Variants in BID observed in about 807,000 individuals in gnomAD.
BID encodes the protein BH3-interacting domain death agonist.
Under a neutral mutation model 17.4 loss-of-function variants are expected in BID, and 19 were observed. The observed-to-expected ratio is 1.09, with a 90% CI of 0.76 to 1.60. BID has a LOEUF of 1.60. BID is among the 40% of genes most tolerant of loss of function. The pLI is 0.00. For missense variants in BID, 226 were observed against 256.0 expected, an observed-to-expected ratio of 0.88 and a Z score of 0.80; for synonymous variants, 108 against 102.8, an observed-to-expected ratio of 1.05 and a Z score of -0.31.
chr22:17,750,011 C>T, intron 2 of BID, 94 bp downstream of exon 2: 2 of 1,293,528 alleles, frequency 1.5e-6, no homozygotes, highest in East Asian at 2.5e-5. Context: ...CGGGCTCAGC[C>T]TCAGCCCTCA....
At chr22:17,759,896 A>C (rs2061623709) in intron 1 of BID, among the ~76,000 whole-genome samples, 1 of 151,992 alleles carries the variant, frequency 6.6e-6, no homozygotes, top group Admixed American at 6.6e-5. Flanking sequence ...TAATCCCAGC[A>C]CTTTGGGAGG....
chr22:17,754,569 G>A (rs1429487004), intron 1 of BID, among the ~76,000 whole-genome samples: 1 of 152,252 alleles, frequency 6.6e-6, no homozygotes, highest in Non-Finnish European at 1.5e-5. Flanking sequence ...AAAACACCAT[G>A]CAGTTGGTCA....
At chr22:17,750,728 T>C (rs1161747271) in intron 1 of BID, among the ~76,000 whole-genome samples, 1 of 151,722 alleles carries the variant, frequency 6.6e-6, no homozygotes, top group African/African-American at 2.4e-5. Flanking sequence ...CTCGGGAGGC[T>C]GAGGCAGGAG....
At chr22:17,743,167 G>A (rs1449106473) in intron 3 of BID, among the ~76,000 whole-genome samples, 4 of 152,268 alleles carry the variant, frequency 2.6e-5, no homozygotes, top group Non-Finnish European at 4.4e-5. Flanking sequence ...TCTTGTATAG[G>A]TAATCACGGA....
chr22:17,772,428 C>A lies in BID; in HGVS notation c.-59+1953G>T, dbSNP rs150099580. ...CTGGAGAATGGTGACCAGATGTCAA[C>A]GACAGGAAGCATTTCCAGAGGCCAC... On this transcript the variant is annotated intron_variant, in intron 1 of 5. Transcript: ENST00000622694. 6.0e-3 allele frequency among the ~76,000 whole-genome samples: 918 copies of A among 152,312 alleles called. 10 individuals are homozygous for A. The highest frequency in any genetic ancestry group is 0.021 in the African/African-American group (856 of 41,554).
chr22:17,762,302 G>T (rs2061644913), intron 1 of BID, among the ~76,000 whole-genome samples: 1 of 152,150 alleles, frequency 6.6e-6, no homozygotes, highest in Non-Finnish European at 1.5e-5. Flanking sequence ...TTTGAGACCA[G>T]CCTGACCAAT....
intron 2 of BID, 22 bp downstream of exon 2, chr22:17,750,077 GGCACCC>G: frequency 6.2e-7 from 1 of 1,609,344 alleles, no homozygotes; most frequent in Non-Finnish European, 8.5e-7. Context: ...CCCCCCACAA[GGCACCC>G]GCAGGGGATC....
At chr22:17,760,041 G>C (rs1026338587) in intron 1 of BID, among the ~76,000 whole-genome samples, 16 of 151,384 alleles carry the variant, frequency 1.1e-4, no homozygotes, top group Non-Finnish European at 2.1e-4. Flanking sequence ...GGCTGAGGCA[G>C]GAGAATGGCG....
At chr22:17,760,445 C>G (rs1287092339) in intron 1 of BID, among the ~76,000 whole-genome samples, 3 of 109,512 alleles carry the variant, frequency 2.7e-5, no homozygotes, top group Non-Finnish European at 5.1e-5. Flanking sequence ...GAGCAAGACT[C>G]TGTCTCAAAA....
chr22:17,762,541 CA>C (rs2061646794), intron 1 of BID, among the ~76,000 whole-genome samples: 1 of 151,742 alleles, frequency 6.6e-6, no homozygotes, highest in Admixed American at 6.6e-5. Flanking sequence ...TCACAAATTT[CA>C]AATGAATGAA....
intron 1 of BID, among the ~76,000 whole-genome samples, chr22:17,752,294 G>C (rs573066741): frequency 6.6e-6 from 1 of 152,154 alleles, no homozygotes; most frequent in Non-Finnish European, 1.5e-5. Flanking sequence ...ATTTATGGGG[G>C]GTGTGCTCCT....
In BID at chr22:17,744,129, G is replaced by A. The variant is rs577608009; in HGVS notation, c.13-116C>T. 27 of 940,076 alleles carry A rather than the reference G, an allele frequency of 2.9e-5. No individual in the cohort carries two copies. The East Asian group carries it at 5.9e-4, about 20-fold the overall frequency. 58.2% of individuals were successfully genotyped at this position (940,076 alleles called of 1,614,324 possible). On this transcript the variant is annotated intron_variant, in intron 2 of 5. Transcript: ENST00000622694. ...CCTCACAGGTCCCAGAGAGCTGAGG[G>A]ACCCTGTGGGCTGGAGGGCCCTGCA... is the stretch of plus-strand genomic sequence containing the variant.
intron 3 of BID, chr22:17,740,023 C>A: frequency 6.5e-7 from 1 of 1,548,460 alleles, no homozygotes; most frequent in African/African-American, 1.4e-5. Flanking sequence ...AGCTCTCCCC[C>A]TTGCCCCTCA....
chr22:17,766,023 G>A (rs1382136463), intron 1 of BID, among the ~76,000 whole-genome samples: 1 of 152,070 alleles, frequency 6.6e-6, no homozygotes, highest in African/African-American at 2.4e-5. Context: ...CAACCTCCCG[G>A]GCTCAGGCGA....
chr22:17,772,034 C>T (rs984603843), intron 1 of BID, among the ~76,000 whole-genome samples: 13 of 152,238 alleles, frequency 8.5e-5, no homozygotes, highest in African/African-American at 3.1e-4. Context: ...GTCCAACTCC[C>T]TCGGGTGTGA....
At chr22:17,762,613 C>T (rs1055533560) in intron 1 of BID, among the ~76,000 whole-genome samples, 20 of 151,326 alleles carry the variant, frequency 1.3e-4, no homozygotes, top group South Asian at 1.3e-3. Context: ...TGCAGTAGCA[C>T]GATCATGGCC....
intron 1 of BID, among the ~76,000 whole-genome samples, chr22:17,768,192 G>A (rs922149260): frequency 3.9e-5 from 6 of 152,174 alleles, no homozygotes; most frequent in Non-Finnish European, 4.4e-5. Context: ...GGTGACGGTC[G>A]CACACCGTGT....
In BID at chr22:17,743,984, C is replaced by T. The variant is rs1054197372; in HGVS notation, c.42G>A (p.Glu14=). Residue 14 remains glutamate (E), a synonymous_variant, in exon 3 of 6, where the codon GAG becomes GAA. Coordinates refer to ENST00000622694, the MANE Select transcript of BID (RefSeq NM_001196.4). ...CAAACACCAGTAGGTTTGTGATGCACTCATCCCTGAGGCTGGAACCGTTGT... is the reference window on the plus strand; with the variant it reads ...CAAACACCAGTAGGTTTGTGATGCATTCATCCCTGAGGCTGGAACCGTTGT... ...EVNNGSSLRD[E]CITNLLVFGF... The T allele has an allele frequency of 5.6e-6, 9 of 1,614,006 alleles. No homozygotes were observed. In the African/African-American group the frequency reaches 1.1e-4, roughly 19 times the overall value.
In BID at chr22:17,769,263, G is replaced by C. The variant is rs541006033; in HGVS notation, c.-59+5118C>G. On this transcript the variant is annotated intron_variant, in intron 1 of 5. Coordinates refer to ENST00000622694, the MANE Select transcript of BID (RefSeq NM_001196.4). This position sits in a 1 kb window ranked among gnomAD's most constrained non-coding sequence, Gnocchi z 4.8. ...ATGGAGGGGCTGATGACCCAGGAGC[G>C]GCTGGCTGCTGGTGTGAGTACACGG... 1.3e-5 allele frequency among the ~76,000 whole-genome samples: 2 copies of C among 152,158 alleles called. No individual in the cohort carries two copies. Among genetic ancestry groups the C allele is most frequent in the African/African-American group, 4.8e-5 (2 of 41,430 alleles).
Sources: gnomAD v4.1 joint callset for allele counts (sites outside exome capture counted in the v4.1 genomes callset) on GRCh38, gnomAD v4.1.1 for gene constraint, Gnocchi (gnomAD v3.1) non-coding constraint, MANE v1.5 for transcripts, NCBI Gene and HGNC (gene_info 2026-07-23, HGNC 2026-07-21) for gene names.